Variants in CCDC7 observed in about 807,000 individuals in gnomAD.
The protein encoded by CCDC7 is coiled-coil domain containing 7.
A neutral mutation model predicts 196.9 loss-of-function variants in CCDC7; 183 were observed. The ratio of observed to expected loss-of-function variants is 0.93; its 90% CI spans 0.82 to 1.05. The LOEUF is 1.05. CCDC7 is among the 50% of genes least tolerant of loss of function. The pLI is 0.00. For synonymous variants in CCDC7, 525 were observed against 484.6 expected, an observed-to-expected ratio of 1.08 and a Z score of -1.10; for missense variants, 1,540 against 1,482.2, an observed-to-expected ratio of 1.04 and a Z score of -0.64.
intron 28 of CCDC7, among the ~76,000 whole-genome samples, chr10:32,734,078 G>T (rs1485030253): frequency 6.6e-6 from 1 of 152,124 alleles, no homozygotes; most frequent in African/African-American, 2.4e-5. Flanking sequence ...CTATTACTGG[G>T]TATATACCCA....
At chr10:32,451,970 A>G (rs1251454230) in intron 1 of CCDC7, 49 bp downstream of exon 2, 34 of 1,553,042 alleles carry the variant, frequency 2.2e-5, no homozygotes, top group Non-Finnish European at 3.0e-5. Flanking sequence ...TGATCACCCC[A>G]GGTTTAGTGA....
chr10:32,837,714 G>A (rs547881262), intron 33 of CCDC7, among the ~76,000 whole-genome samples: 230 of 152,136 alleles, frequency 1.5e-3, no homozygotes, highest in African/African-American at 4.1e-3. Context: ...AGAAAATGTG[G>A]CACATATACA....
intron 18 of CCDC7, among the ~76,000 whole-genome samples, chr10:32,613,353 A>G (rs2062400173): frequency 6.6e-6 from 1 of 151,464 alleles, no homozygotes; most frequent in African/African-American, 2.4e-5. Context: ...TATTCTTTTC[A>G]AAAAACTAGC....
intron 16 of CCDC7, among the ~76,000 whole-genome samples, chr10:32,582,106 CTATATATATATATA>C (rs6143863): frequency 0.24 from 24,482 of 103,764 alleles, 3,674 homozygotes; most frequent in East Asian, 0.31. Flanking sequence ...ACTGTCAGCA[CTATATATATATATA>C]TATATATATA....
chr10:32,804,236 C>A (rs187987105), intron 29 of CCDC7, among the ~76,000 whole-genome samples: 1 of 152,082 alleles, frequency 6.6e-6, no homozygotes, highest in Non-Finnish European at 1.5e-5. Context: ...ACATAAATTC[C>A]TCCTTAATAA....
chr10:32,513,132 C>T (rs1001261936), intron 9 of CCDC7: 2 of 151,696 alleles, frequency 1.3e-5, no homozygotes, highest in Admixed American at 6.6e-5. Flanking sequence ...TGCATCAGTG[C>T]GATGGTAGCA....
chr10:32,627,371 A>G (rs931018898), intron 18 of CCDC7, among the ~76,000 whole-genome samples: 67 of 152,044 alleles, frequency 4.4e-4, no homozygotes, highest in African/African-American at 1.5e-3. Flanking sequence ...ATGTGTGTTA[A>G]TTTGTATTGC....
At chr10:32,585,381 T>A (rs559997819) in intron 18 of CCDC7, among the ~76,000 whole-genome samples, 62 of 152,336 alleles carry the variant, frequency 4.1e-4, no homozygotes, top group East Asian at 1.7e-3. Flanking sequence ...CCAAATTTTT[T>A]AATTATTATT....
chr10:32,608,195 T>C (rs908590386), intron 18 of CCDC7, among the ~76,000 whole-genome samples: 4 of 152,114 alleles, frequency 2.6e-5, no homozygotes, highest in African/African-American at 9.7e-5. Context: ...TCTTCTTTCT[T>C]TTTTTGTTGC....
intron 9 of CCDC7, among the ~76,000 whole-genome samples, chr10:32,509,954 GC>G (rs1031117576): frequency 7.9e-5 from 12 of 152,158 alleles, no homozygotes; most frequent in Non-Finnish European, 1.6e-4. Context: ...AATTGGTAGA[GC>G]CATTATGGAA....
chr10:32,473,219 G>A (rs975086518), intron 7 of CCDC7, among the ~76,000 whole-genome samples: 1 of 152,156 alleles, frequency 6.6e-6, no homozygotes, highest in Admixed American at 6.5e-5. Flanking sequence ...ACAGAAAGGA[G>A]CAATCTGTTC....
intron 13 of CCDC7, among the ~76,000 whole-genome samples, chr10:32,559,725 A>T (rs2055081968): frequency 6.6e-6 from 1 of 152,078 alleles, no homozygotes; most frequent in African/African-American, 2.4e-5. Flanking sequence ...ATGGGGAAAA[A>T]ACAGAGCAGA....
chr10:32,461,579 G>A (rs1237356593), intron 3 of CCDC7, among the ~76,000 whole-genome samples: 1 of 151,152 alleles, frequency 6.6e-6, no homozygotes, highest in Non-Finnish European at 1.5e-5. Flanking sequence ...GAACAGAGTT[G>A]TATTGAGAAG....
chr10:32,754,272 T>A (rs1448250664), intron 28 of CCDC7, among the ~76,000 whole-genome samples: 33 of 152,084 alleles, frequency 2.2e-4, no homozygotes, highest in Admixed American at 2.0e-3. Flanking sequence ...AACAAAAACA[T>A]TTCTATATAT....
chr10:32,551,646 GTTT>G (rs2053495261), intron 13 of CCDC7, among the ~76,000 whole-genome samples: 1 of 151,982 alleles, frequency 6.6e-6, no homozygotes, highest in Admixed American at 6.6e-5. Flanking sequence ...TCTTGATTTT[GTTT>G]TTGACCCAAT....
intron 21 of CCDC7, among the ~76,000 whole-genome samples, chr10:32,684,772 A>G (rs2076267591): frequency 6.6e-6 from 1 of 152,222 alleles, no homozygotes; most frequent in Non-Finnish European, 1.5e-5. Flanking sequence ...TACTTCTAGA[A>G]AAACAAACCT....
intron 13 of CCDC7, among the ~76,000 whole-genome samples, chr10:32,562,064 G>A (rs957497121): frequency 1.5e-4 from 23 of 152,088 alleles, no homozygotes; most frequent in African/African-American, 5.6e-4. Flanking sequence ...AAATGGATAA[G>A]TTCCTCGACA....
At chr10:32,789,145 T>A (rs1293038267) in intron 29 of CCDC7, among the ~76,000 whole-genome samples, 2 of 144,748 alleles carry the variant, frequency 1.4e-5, no homozygotes, top group African/African-American at 5.1e-5. Context: ...CTGGAATAAG[T>A]GCCTACTTCT....
intron 9 of CCDC7, 29 bp from the exon 11 acceptor site, chr10:32,517,916 A>G (rs757672190): frequency 2.5e-6 from 4 of 1,587,838 alleles, no homozygotes; most frequent in African/African-American, 2.7e-5. Flanking sequence ...GTACAATTAT[A>G]AACACACTTT....
Sources: gnomAD v4.1 joint callset for allele counts (sites outside exome capture counted in the v4.1 genomes callset) on GRCh38, gnomAD v4.1.1 for gene constraint, MANE v1.5 for transcripts, NCBI Gene and HGNC (gene_info 2026-07-23, HGNC 2026-07-21) for gene names.